The following MPRIP variants were observed in gnomAD, a reference collection of about 807,000 sequenced individuals.
MPRIP encodes the protein myosin phosphatase Rho interacting protein, also known as myosin phosphatase Rho-interacting protein.
Under a neutral mutation model 234.9 loss-of-function variants are expected in MPRIP, and 59 were observed. That is an observed-to-expected ratio of 0.25 (90% CI 0.20 to 0.31). The LOEUF is 0.31. Ranked by LOEUF, MPRIP falls within the 10% of genes least tolerant of loss-of-function variation. The pLI is 1.00. For synonymous variants in MPRIP, 1,144 were observed against 1,263.9 expected (o/e 0.91, Z 2.01); for missense variants, 2,436 against 3,071.0 (o/e 0.79, Z 4.89).
At chr17:17,139,508 G>A (rs984755365) in intron 7 of MPRIP, among the ~76,000 whole-genome samples, 2 of 152,202 alleles carry the variant, frequency 1.3e-5, no homozygotes, top group African/African-American at 2.4e-5. Flanking sequence ...CATAGTTCTG[G>A]AAGTCTTCTC....
At position 17,165,896 on chromosome 17, in the gene MPRIP, C is replaced by T. The variant is rs1721688472; in HGVS notation, c.4305C>T (p.Ala1435=). 1 of 1,303,776 alleles carries T rather than the reference C, an allele frequency of 7.7e-7. No homozygotes were observed. Among genetic ancestry groups the T allele is most frequent in the Non-Finnish European group, 1.0e-6 (1 of 988,774 alleles). 80.8% of individuals were successfully genotyped at this position (1,303,776 alleles called of 1,614,324 possible). A position where few individuals can be genotyped will look rare whatever the true frequency, so the allele number is the denominator to read the frequency against. Residue 1435 remains alanine (A), a synonymous_variant, in exon 16 of 24, where the codon GCC becomes GCT. Coordinates refer to ENST00000651222, the MANE Select transcript of MPRIP (RefSeq NM_001364716.4). ...TEAQLREQLR[A]SLLQVGALAS... ...CCCAGCTGCGTGAGCAGCTCCGCGCCAGCCTGCTCCAGGTTGGCGCACTGG... is the reference window on the plus strand; with the variant it reads ...CCCAGCTGCGTGAGCAGCTCCGCGCTAGCCTGCTCCAGGTTGGCGCACTGG...
chr17:17,102,516 A>G (rs768920615), intron 3 of MPRIP, among the ~76,000 whole-genome samples: 7 of 152,246 alleles, frequency 4.6e-5, no homozygotes, highest in Non-Finnish European at 8.8e-5. Flanking sequence ...GTGTGCGAGC[A>G]GGTCCACCCA....
At chr17:17,124,244 A>G (rs1319217860) in intron 3 of MPRIP, among the ~76,000 whole-genome samples, 1 of 152,214 alleles carries the variant, frequency 6.6e-6, no homozygotes, top group Non-Finnish European at 1.5e-5. Flanking sequence ...GTAAGAGGGA[A>G]GAGTGGGCTT....
At chr17:17,156,400 A>C (rs935071241) in intron 13 of MPRIP, among the ~76,000 whole-genome samples, 1 of 152,124 alleles carries the variant, frequency 6.6e-6, no homozygotes, top group Non-Finnish European at 1.5e-5. Context: ...TAGAGTGCTC[A>C]CCCTCCACCA....
intron 2 of MPRIP, chr17:17,076,005 C>A: frequency 2.0e-6 from 1 of 506,510 alleles, no homozygotes; most frequent in Non-Finnish European, 3.5e-6. Flanking sequence ...GAGGAGCTCT[C>A]ATGTGGGTGT....
At chr17:17,090,913 A>T in intron 3 of MPRIP, among the ~76,000 whole-genome samples, 1 of 150,400 alleles carries the variant, frequency 6.6e-6, no homozygotes, top group South Asian at 2.1e-4. Flanking sequence ...TTAATGTTTG[A>T]AGATCTCGGC....
intron 5 of MPRIP, among the ~76,000 whole-genome samples, chr17:17,135,592 G>A (rs150791784): frequency 3.3e-5 from 5 of 152,316 alleles, no homozygotes; most frequent in African/African-American, 1.2e-4. Flanking sequence ...GGTGTCTGGT[G>A]AGGGCCCCCT....
At chr17:17,129,304 A>G (rs773877172) in intron 4 of MPRIP, among the ~76,000 whole-genome samples, 22 of 151,452 alleles carry the variant, frequency 1.5e-4, no homozygotes, top group Non-Finnish European at 2.7e-4. Flanking sequence ...CCCTGTTCTC[A>G]CTCATCCGGG....
At chr17:17,154,667 C>G (rs1170444648) in intron 13 of MPRIP, among the ~76,000 whole-genome samples, 1 of 152,238 alleles carries the variant, frequency 6.6e-6, no homozygotes, top group Non-Finnish European at 1.5e-5. Context: ...GTCATTAGAA[C>G]TGGGCTTTGG....
intron 20 of MPRIP, among the ~76,000 whole-genome samples, chr17:17,175,743 G>C (rs1272009869): frequency 2.0e-5 from 3 of 152,236 alleles, no homozygotes; most frequent in African/African-American, 7.2e-5. Flanking sequence ...CTGCAGCTCA[G>C]GTCAGGGAGG....
chr17:17,190,344 C>G lies in MPRIP; in HGVS notation c.*5450C>G, dbSNP rs2046562980. 1 of 152,256 alleles carries G rather than the reference C, an allele frequency of 6.6e-6. No homozygotes were observed. Among genetic ancestry groups the G allele is most frequent in the Admixed American group, 6.5e-5 (1 of 15,284 alleles). The allele number at this position is 152,256 out of a possible 1,614,324, so 9.4% of individuals were successfully genotyped here. On this transcript the variant is annotated 3_prime_UTR_variant, in exon 24 of 24. Coordinates refer to ENST00000651222, the MANE Select transcript of MPRIP (RefSeq NM_001364716.4). ...ACGGCAGGTTGTTCTGCAGCCACCC[C>G]TTAGAGGGGGCTCTTCGTTTTACCT...
At chr17:17,050,999 C>G (rs1310624546) in intron 1 of MPRIP, among the ~76,000 whole-genome samples, 1 of 152,244 alleles carries the variant, frequency 6.6e-6, no homozygotes, top group Non-Finnish European at 1.5e-5. Context: ...AGTCCAAGGC[C>G]TATGTTCTCT....
intron 3 of MPRIP, among the ~76,000 whole-genome samples, chr17:17,114,784 A>G (rs1567724254): frequency 6.6e-6 from 1 of 151,784 alleles, no homozygotes; most frequent in Non-Finnish European, 1.5e-5. Context: ...CTCCTCTGGC[A>G]GAGGGCCCTT....
At chr17:17,101,414 A>G (rs1331446248) in intron 3 of MPRIP, among the ~76,000 whole-genome samples, 1 of 152,150 alleles carries the variant, frequency 6.6e-6, no homozygotes, top group African/African-American at 2.4e-5. Flanking sequence ...AAAAAATACA[A>G]AAATTAGCCA....
chr17:17,064,004 G>A (rs1274581185), intron 1 of MPRIP, among the ~76,000 whole-genome samples: 1 of 152,176 alleles, frequency 6.6e-6, no homozygotes, highest in Non-Finnish European at 1.5e-5. Flanking sequence ...GAGGGGAAGG[G>A]ACAGAAGAAC....
At chr17:17,129,365 C>T (rs907282976) in intron 4 of MPRIP, among the ~76,000 whole-genome samples, 5 of 152,200 alleles carry the variant, frequency 3.3e-5, no homozygotes, top group Non-Finnish European at 5.9e-5. Flanking sequence ...CCCATATTCA[C>T]ACCCCTCTCC....
intron 7 of MPRIP, among the ~76,000 whole-genome samples, chr17:17,141,032 T>G (rs1173656444): frequency 6.6e-6 from 1 of 152,154 alleles, no homozygotes; most frequent in African/African-American, 2.4e-5. Context: ...TTACAGGATC[T>G]CCCCAGGCCC....
intron 5 of MPRIP, among the ~76,000 whole-genome samples, 185 bp downstream of exon 5, chr17:17,131,886 A>G (rs540038074): frequency 7.2e-5 from 11 of 152,246 alleles, no homozygotes; most frequent in African/African-American, 2.7e-4. Context: ...GGGAACCACA[A>G]CAGGGACAGG....
chr17:17,096,890 A>G (rs1597797809), intron 3 of MPRIP: 1 of 447,206 alleles, frequency 2.2e-6, no homozygotes, highest in East Asian at 7.1e-5. Context: ...AATATGAAAA[A>G]GCATCCTTGT....
Sources: allele counts gnomAD v4.1 joint callset (sites outside exome capture counted in the v4.1 genomes callset), GRCh38; gene constraint gnomAD v4.1.1; transcripts MANE v1.5; gene names NCBI Gene and HGNC (gene_info 2026-07-23, HGNC 2026-07-21).